ARID1B: variants seen among roughly 807,000 people sequenced by gnomAD.
ARID1B encodes the protein AT-rich interaction domain 1B.
ARID1B carries 30 observed loss-of-function variants against 212.3 expected under a neutral mutation model. The observed-to-expected ratio is 0.14, with a 90% CI of 0.11 to 0.19. The LOEUF is 0.19. ARID1B is among the 10% of genes least tolerant of loss of function. The probability of loss-of-function intolerance (pLI) is 1.00; values close to 1 mark genes in which losing one functional copy is unlikely to be tolerated. For missense variants in ARID1B, 2,891 were observed against 3,204.0 expected, an observed-to-expected ratio of 0.90 and a Z score of 2.36; for synonymous variants, 1,402 against 1,301.7, an observed-to-expected ratio of 1.08 and a Z score of -1.66.
At chr6:156,922,072 T>C (rs1456048754) in intron 3 of ARID1B, among the ~76,000 whole-genome samples, 1 of 152,154 alleles carries the variant, frequency 6.6e-6, no homozygotes, top group African/African-American at 2.4e-5. Flanking sequence ...GTTCAGGAGC[T>C]CTGTCTCAGC....
At chr6:156,858,300 A>G (rs1785089964) in intron 2 of ARID1B, among the ~76,000 whole-genome samples, 1 of 152,160 alleles carries the variant, frequency 6.6e-6, no homozygotes, top group African/African-American at 2.4e-5. Flanking sequence ...AAGGAATAAG[A>G]TGTAGTGTTT....
At chr6:157,205,930 A>G (rs1411707043) in intron 19 of ARID1B, 2 of 534,872 alleles carry the variant, frequency 3.7e-6, no homozygotes, top group Admixed American at 6.5e-5. Context: ...AGTCTAAGCA[A>G]GGAAGCAGCA....
chr6:156,990,327 C>G (rs377065960), intron 4 of ARID1B, among the ~76,000 whole-genome samples: 1 of 151,978 alleles, frequency 6.6e-6, no homozygotes, highest in Non-Finnish European at 1.5e-5. Context: ...CACACACCAC[C>G]ACACCGGGCT....
intron 3 of ARID1B, among the ~76,000 whole-genome samples, chr6:156,922,568 T>C (rs1790897195): frequency 6.6e-6 from 1 of 152,212 alleles, no homozygotes; most frequent in African/African-American, 2.4e-5. Flanking sequence ...TCTTAAGTAA[T>C]TTTTATTTGT....
intron 5 of ARID1B, 127 bp from the exon 6 acceptor site, chr6:157,110,345 C>T: frequency 1.3e-6 from 1 of 754,780 alleles, no homozygotes; most frequent in East Asian, 2.7e-5. Flanking sequence ...TGAGCTATGT[C>T]TTTTTTTAAT....
chr6:157,058,513 C>T (rs1783121007), intron 4 of ARID1B, among the ~76,000 whole-genome samples: 1 of 152,212 alleles, frequency 6.6e-6, no homozygotes, highest in Non-Finnish European at 1.5e-5. Context: ...GATCCACACG[C>T]CTCGGCATCC....
At chr6:156,963,265 A>G (rs1794522604) in intron 4 of ARID1B, among the ~76,000 whole-genome samples, 1 of 152,152 alleles carries the variant, frequency 6.6e-6, no homozygotes, top group African/African-American at 2.4e-5. Context: ...CAGTGATGTT[A>G]AGTTTTCTCT....
intron 4 of ARID1B, among the ~76,000 whole-genome samples, chr6:157,070,329 C>G (rs1259629205): frequency 2.0e-5 from 3 of 151,772 alleles, no homozygotes; most frequent in Non-Finnish European, 2.9e-5. Flanking sequence ...GAATAAAAAT[C>G]TATATTGGAA....
At chr6:156,804,298 T>C (rs1218250624) in intron 1 of ARID1B, among the ~76,000 whole-genome samples, 2 of 148,388 alleles carry the variant, frequency 1.3e-5, no homozygotes, top group Non-Finnish European at 3.0e-5. Flanking sequence ...ATTGCACCAC[T>C]GCACACCAGC....
At chr6:156,849,685 A>G (rs1268661502) in intron 2 of ARID1B, among the ~76,000 whole-genome samples, 1 of 152,142 alleles carries the variant, frequency 6.6e-6, no homozygotes, top group East Asian at 1.9e-4. Flanking sequence ...GGGCAAAAGA[A>G]GAAAAAGACA....
intron 4 of ARID1B, among the ~76,000 whole-genome samples, chr6:157,047,255 C>T (rs1000152066): frequency 4.6e-5 from 7 of 152,084 alleles, no homozygotes; most frequent in Non-Finnish European, 8.8e-5. Context: ...TAGGTGATCA[C>T]GAGATGTTTG....
rs1777572619 is a variant in ARID1B at position 156,981,059 on chromosome 6, C to A, written c.2247+45483C>A. ...TTTGTTGGTTTAACTCATGACTTAG[C>A]AAAAACTGGAAAGGTATTTCATTTC... On this transcript the variant is annotated intron_variant, in intron 4 of 19. Coordinates refer to ENST00000636930, the MANE Select transcript of ARID1B (RefSeq NM_001374828.1). Among the ~76,000 whole-genome samples the A allele has an allele frequency of 1.3e-5, 2 of 152,144 alleles. 1 individual carries two copies. Among genetic ancestry groups the A allele is most frequent in the South Asian group, 4.1e-4 (2 of 4,822 alleles).
At chr6:157,079,484 CA>C (rs1386949401) in intron 4 of ARID1B, among the ~76,000 whole-genome samples, 11 of 152,156 alleles carry the variant, frequency 7.2e-5, no homozygotes, top group Non-Finnish European at 1.2e-4. Flanking sequence ...ATCACGTGAC[CA>C]AAAATGATAG....
At position 156,777,868 on chromosome 6, in the gene ARID1B, A is replaced by ACGGCGGCGG; in HGVS notation, c.193_201dup (p.Gly65_Gly67dup). 1.5e-6 allele frequency: 2 copies of ACGGCGGCGG among 1,333,858 alleles called. No individual in the cohort carries two copies. Among genetic ancestry groups the ACGGCGGCGG allele is most frequent in the East Asian group, 6.3e-5 (2 of 31,624 alleles). 82.6% of individuals were successfully genotyped at this position (1,333,858 alleles called of 1,614,324 possible). ...GGACCCATGCTGGGGGGCGGCGGCG[A>ACGGCGGCGG]CGGCGGCGGCGGCCTGAACAGTGTG... On this transcript the variant is annotated inframe_insertion, in exon 1 of 20. Transcript: ENST00000636930.
Position 157,203,644 on chromosome 6 carries a change from G to A in ARID1B, c.5264-222G>A, listed in dbSNP as rs1055919627. On this transcript the variant is annotated intron_variant, in intron 18 of 19. Coordinates refer to ENST00000636930, the MANE Select transcript of ARID1B (RefSeq NM_001374828.1). This position sits in a 1 kb window ranked among gnomAD's most constrained non-coding sequence, Gnocchi z 4.4. ...CTCCAGAAGCACTTTCGGCCCCTGC[G>A]TGACCAACAAAGCGAGATCTGAAAC... 2.6e-5 allele frequency: 15 copies of A among 570,922 alleles called. No individual in the cohort carries two copies. The highest frequency in any genetic ancestry group is 4.0e-5 in the Non-Finnish European group (13 of 322,492). The allele number at this position is 570,922 out of a possible 1,614,324, so 35.4% of individuals were successfully genotyped here.
chr6:157,148,760 G>A lies in ARID1B; in HGVS notation c.2898G>A (p.Leu966=), dbSNP rs956115422. 8 of 1,613,156 alleles carry A rather than the reference G, an allele frequency of 5.0e-6. No individual in the cohort carries two copies. The highest frequency in any genetic ancestry group is 5.9e-6 in the Non-Finnish European group (7 of 1,179,972). ...GCCAGCCATGTGGTGCTGTGCCCCT[G>A]GGACGAATGCCATCAGCTGGGATGC... The part of the protein sequence containing the change: ...GPSQPCGAVP[L]GRMPSAGMQN... Residue 966 remains leucine, a synonymous_variant, in exon 8 of 20, where the codon CTG becomes CTA. Coordinates refer to ENST00000636930, the MANE Select transcript of ARID1B (RefSeq NM_001374828.1). This position sits in a 1 kb window ranked among gnomAD's most constrained non-coding sequence, Gnocchi z 5.6.
At chr6:156,926,134 A>G (rs1791199708) in intron 3 of ARID1B, among the ~76,000 whole-genome samples, 1 of 152,186 alleles carries the variant, frequency 6.6e-6, no homozygotes. Flanking sequence ...AGGTGGGGTT[A>G]AGATAAAGTC....
chr6:157,108,557 A>G (rs912458363), intron 5 of ARID1B, among the ~76,000 whole-genome samples: 4 of 152,166 alleles, frequency 2.6e-5, no homozygotes, highest in African/African-American at 9.7e-5. Flanking sequence ...TAAATGGACT[A>G]TAGATTGGAG....
intron 2 of ARID1B, among the ~76,000 whole-genome samples, chr6:156,840,779 T>G (rs549957629): frequency 0.33 from 49,862 of 152,114 alleles, 8,432 homozygotes; most frequent in Middle Eastern, 0.44. Context: ...TCTTGCTGTC[T>G]TGCTGTGTCA....
Sources: gnomAD v4.1 joint callset for allele counts (sites outside exome capture counted in the v4.1 genomes callset) on GRCh38, gnomAD v4.1.1 for gene constraint, Gnocchi (gnomAD v3.1) non-coding constraint, MANE v1.5 for transcripts, NCBI Gene and HGNC (gene_info 2026-07-23, HGNC 2026-07-21) for gene names.